The following TMEM74 variants were observed in gnomAD, a reference collection of about 807,000 sequenced individuals.
The protein encoded by TMEM74 is transmembrane protein 74.
A neutral mutation model predicts 18.1 loss-of-function variants in TMEM74; 13 were observed. That is an observed-to-expected ratio of 0.72 (90% CI 0.47 to 1.14). TMEM74 has a LOEUF of 1.14. TMEM74 is among the 50% of genes most tolerant of loss of function. TMEM74 has a pLI of 0.00. For synonymous variants in TMEM74, 159 were observed against 146.6 expected (o/e 1.08, Z -0.61); for missense variants, 372 against 375.9 (o/e 0.99, Z 0.09).
chr8:108,785,215 C>A (rs983483460), intron 1 of TMEM74, 78 bp from the exon 2 acceptor site: 2 of 1,119,444 alleles, frequency 1.8e-6, no homozygotes, highest in African/African-American at 1.6e-5. Context: ...TCCTGGGGTC[C>A]CCATTTCCTT....
At chr8:108,621,791 A>C (rs1812442905) in intron 2 of TMEM74, among the ~76,000 whole-genome samples, 1 of 152,104 alleles carries the variant, frequency 6.6e-6, no homozygotes, top group Non-Finnish European at 1.5e-5. Context: ...TTGTCACCCC[A>C]TCTGTGTAAA....
At chr8:108,738,227 A>T (rs1290308869) in intron 1 of TMEM74, among the ~76,000 whole-genome samples, 1 of 152,152 alleles carries the variant, frequency 6.6e-6, no homozygotes, top group Non-Finnish European at 1.5e-5. Flanking sequence ...ACTAAGCTTA[A>T]TAAATGTTTG....
chr8:108,654,757 GTT>G lies in TMEM74; in HGVS notation n.264+534_264+535del, dbSNP rs36003094. Among the ~76,000 whole-genome samples, 609 of 147,644 alleles carry G rather than the reference GTT, an allele frequency of 4.1e-3. 2 individuals carry two copies. Among genetic ancestry groups the G allele is most frequent in the African/African-American group, 0.014 (575 of 40,406 alleles). ...AAAATCTTTGTCCTTTTTACCAAGT[GTT>G]TTTTTTTTTATATTCCACCTAATTT... On this transcript the variant is annotated intron_variant and non_coding_transcript_variant, in intron 2 of 3. Transcript: ENST00000518838.
At position 108,784,556 on chromosome 8, in the gene TMEM74, G is replaced by T; in HGVS notation, c.543C>A (p.Ala181=). 6.2e-7 allele frequency: 1 copy of T among 1,614,118 alleles called. No individual in the cohort carries two copies. The highest frequency in any genetic ancestry group is 8.5e-7 in the Non-Finnish European group (1 of 1,180,036). Residue 181 remains alanine (A), a synonymous_variant, in exon 2 of 2, where the codon GCC becomes GCA. Coordinates refer to ENST00000297459, the MANE Select transcript of TMEM74 (RefSeq NM_153015.3). The part of the protein sequence containing the change: ...GKSIDYGFIS[A]ILFLVTGILL... ...GGATCCCAGTGACCAAGAACAAGAT[G>T]GCGCTGATGAAACCATAGTCTATAG...
chr8:108,650,962 C>T (rs922902736), intron 2 of TMEM74, among the ~76,000 whole-genome samples: 52 of 152,210 alleles, frequency 3.4e-4, no homozygotes, highest in African/African-American at 1.2e-3. Flanking sequence ...CTGCCCACCT[C>T]GGCCTCGCAA....
chr8:108,684,776 G>T (rs1240472017), intron 1 of TMEM74, among the ~76,000 whole-genome samples: 2 of 151,188 alleles, frequency 1.3e-5, no homozygotes, highest in Non-Finnish European at 3.0e-5. Context: ...GAGGCGGGGG[G>T]TTCTAAATTC....
intron 2 of TMEM74, among the ~76,000 whole-genome samples, chr8:108,647,392 G>A (rs1165976490): frequency 6.6e-6 from 1 of 152,056 alleles, no homozygotes; most frequent in Non-Finnish European, 1.5e-5. Flanking sequence ...CAACCAATTT[G>A]TATTATCGAG....
At position 108,719,830 on chromosome 8, in the gene TMEM74, T is replaced by C. The variant is rs552772032; in HGVS notation, n.120-64393A>G. 1.2e-4 allele frequency among the ~76,000 whole-genome samples: 19 copies of C among 152,300 alleles called. No homozygotes were observed. The East Asian group carries it at 3.7e-3, about 29-fold the overall frequency. ...AATGGCATGTATTTTTTATGACTTT[T>C]GATCCATATTGCAAAATTTTCCTCT... On this transcript the variant is annotated intron_variant and non_coding_transcript_variant, in intron 1 of 3. Coordinates refer to the TMEM74 transcript ENST00000518838.
Position 108,735,975 on chromosome 8 carries a change from T to C in TMEM74, n.119+51501A>G, listed in dbSNP as rs117918608. On this transcript the variant is annotated intron_variant and non_coding_transcript_variant, in intron 1 of 3. Transcript: ENST00000518838. Reference sequence around the variant, plus strand: ...AATTGCTCACTTGACAACTCTCAAATCACTCGCCTTCTTTTTTTTTTCTGT... The same window carrying C: ...AATTGCTCACTTGACAACTCTCAAACCACTCGCCTTCTTTTTTTTTTCTGT... 4.9e-3 allele frequency among the ~76,000 whole-genome samples: 739 copies of C among 152,238 alleles called. 4 individuals carry two copies. Among genetic ancestry groups the C allele is most frequent in the South Asian group, 7.5e-3 (36 of 4,822 alleles).
At chr8:108,760,385 G>A (rs59276363) in intron 1 of TMEM74, among the ~76,000 whole-genome samples, 2,914 of 152,132 alleles carry the variant, frequency 0.019, 64 homozygotes, top group African/African-American at 0.046. Flanking sequence ...AGCAATGCGC[G>A]GTCACAGAGG....
chr8:108,675,187 T>G (rs913818431), intron 1 of TMEM74, among the ~76,000 whole-genome samples: 2 of 152,186 alleles, frequency 1.3e-5, no homozygotes, highest in African/African-American at 4.8e-5. Flanking sequence ...CAGCATATCC[T>G]TCATTGACTA....
Position 108,733,000 on chromosome 8 carries a change from T to C in TMEM74, n.119+54476A>G, listed in dbSNP as rs1190431991. On this transcript the variant is annotated intron_variant and non_coding_transcript_variant, in intron 1 of 3. Coordinates refer to the TMEM74 transcript ENST00000518838. ...AAACACATTGAAAAAAGATGGACAA[T>C]GTCAAGCATTTTAGAGAATGTGGAG... Among the ~76,000 whole-genome samples the C allele has an allele frequency of 3.3e-5, 5 of 152,216 alleles. No individual in the cohort carries two copies. The East Asian group carries it at 9.7e-4, about 29-fold the overall frequency.
intron 1 of TMEM74, among the ~76,000 whole-genome samples, chr8:108,682,326 T>A (rs903517244): frequency 5.9e-5 from 9 of 152,132 alleles, no homozygotes; most frequent in Non-Finnish European, 1.2e-4. Context: ...ACATCTATCA[T>A]CATTCTTAAC....
intron 1 of TMEM74, among the ~76,000 whole-genome samples, chr8:108,787,134 C>T (rs1178155190): frequency 6.6e-6 from 1 of 152,162 alleles, no homozygotes; most frequent in Non-Finnish European, 1.5e-5. Context: ...CGCACTTTCC[C>T]TCGTCCATCT....
In TMEM74 at chr8:108,634,089, C is replaced by A. The variant is rs1812581927; in HGVS notation, n.264+21204G>T. On this transcript the variant is annotated intron_variant and non_coding_transcript_variant, in intron 2 of 3. Transcript: ENST00000518838. ...ACTGAGGCTACTCACTGACATTTCC[C>A]ATGGGCATCAAGAGAAGAGGAAGAG... 2.0e-5 allele frequency among the ~76,000 whole-genome samples: 3 copies of A among 151,848 alleles called. No homozygotes were observed. In the South Asian group the frequency reaches 6.2e-4, roughly 31 times the overall value.
In TMEM74 at chr8:108,742,564, T is replaced by C. The variant is rs374721290; in HGVS notation, n.119+44912A>G. 5.9e-5 allele frequency among the ~76,000 whole-genome samples: 9 copies of C among 152,324 alleles called. 1 individual carries two copies. In the East Asian group the frequency reaches 1.4e-3, roughly 23 times the overall value. ...GTGTGACTCTGAAAAGTTGCCTCAT[T>C]TCTTCTGTGAAACTATTCTTATTCT... On this transcript the variant is annotated intron_variant and non_coding_transcript_variant, in intron 1 of 3. Coordinates refer to the TMEM74 transcript ENST00000518838.
intron 1 of TMEM74, among the ~76,000 whole-genome samples, chr8:108,662,742 A>G (rs1812912978): frequency 6.6e-6 from 1 of 152,090 alleles, no homozygotes; most frequent in Non-Finnish European, 1.5e-5. Flanking sequence ...TGACCCCACA[A>G]TTTATGCATA....
intron 1 of TMEM74, among the ~76,000 whole-genome samples, chr8:108,740,901 T>C (rs1813793941): frequency 6.6e-6 from 1 of 152,182 alleles, no homozygotes; most frequent in African/African-American, 2.4e-5. Context: ...CACAGTGTCA[T>C]TGTTTGTATT....
chr8:108,727,735 A>G (rs2130636426), intron 1 of TMEM74, among the ~76,000 whole-genome samples: 1 of 152,338 alleles, frequency 6.6e-6, no homozygotes, highest in East Asian at 1.9e-4. Flanking sequence ...TGAAAATTGA[A>G]GAGATCACCA....
Sources: allele counts gnomAD v4.1 joint callset (sites outside exome capture counted in the v4.1 genomes callset), GRCh38; gene constraint gnomAD v4.1.1; transcripts MANE v1.5; gene names NCBI Gene and HGNC (gene_info 2026-07-23, HGNC 2026-07-21).